Variants in ZNF385D observed in about 807,000 individuals in gnomAD.
ZNF385D encodes the protein zinc finger protein 659.
In ZNF385D, 15 loss-of-function variants were observed where a neutral mutation model predicts 35.8. The ratio of observed to expected loss-of-function variants is 0.42; its 90% CI spans 0.28 to 0.64. ZNF385D has a LOEUF of 0.64. Among genes scored for constraint, ZNF385D ranks in the 30% least tolerant of loss-of-function variants. ZNF385D has a pLI of 0.23. For synonymous variants in ZNF385D, 212 were observed against 186.8 expected (o/e 1.13, Z -1.10); for missense variants, 474 against 494.6 (o/e 0.96, Z 0.39).
intron 3 of ZNF385D, among the ~76,000 whole-genome samples, chr3:22,000,679 C>A (rs1287935753): frequency 6.6e-6 from 1 of 151,826 alleles, no homozygotes; most frequent in Non-Finnish European, 1.5e-5. Flanking sequence ...TATGAAAGAA[C>A]CTCCAACAGA....
chr3:22,066,532 C>CTGTGTG (rs10536628), intron 3 of ZNF385D, among the ~76,000 whole-genome samples: 9 of 91,314 alleles, frequency 9.9e-5, no homozygotes, highest in South Asian at 9.1e-4. Flanking sequence ...AGATGGTTCC[C>CTGTGTG]TGTGTGTGTG....
At chr3:22,227,585 TAACTA>T (rs1249626404) in intron 2 of ZNF385D, among the ~76,000 whole-genome samples, 1 of 152,030 alleles carries the variant, frequency 6.6e-6, no homozygotes, top group Non-Finnish European at 1.5e-5. Context: ...ATGCAGAACT[TAACTA>T]AGAGCTGGAG....
intron 1 of ZNF385D, among the ~76,000 whole-genome samples, chr3:21,707,370 T>C (rs2067944564): frequency 6.6e-6 from 1 of 152,208 alleles, no homozygotes; most frequent in Admixed American, 6.5e-5. Flanking sequence ...TCATTTATAT[T>C]TCATGGTGCA....
chr3:21,926,302 G>A (rs1434667635), intron 3 of ZNF385D, among the ~76,000 whole-genome samples: 1 of 151,712 alleles, frequency 6.6e-6, no homozygotes, highest in Non-Finnish European at 1.5e-5. Context: ...ATCCCTGACA[G>A]GACCCAGTGT....
intron 1 of ZNF385D, among the ~76,000 whole-genome samples, chr3:21,668,346 C>T (rs2066467084): frequency 6.6e-6 from 1 of 152,188 alleles, no homozygotes; most frequent in Non-Finnish European, 1.5e-5. Context: ...TATTTTACCT[C>T]CAAAGTTCCT....
At chr3:21,624,240 C>A (rs2065078642) in intron 2 of ZNF385D, among the ~76,000 whole-genome samples, 1 of 152,130 alleles carries the variant, frequency 6.6e-6, no homozygotes, top group East Asian at 1.9e-4. Flanking sequence ...GTTTGTTCTG[C>A]CCTTGGAGCT....
chr3:21,654,016 C>G (rs949803989), intron 2 of ZNF385D, among the ~76,000 whole-genome samples: 1 of 151,732 alleles, frequency 6.6e-6, no homozygotes, highest in African/African-American at 2.4e-5. Flanking sequence ...GATTATTTTT[C>G]TATGTGATTT....
At chr3:21,657,294 G>C (rs1274684960) in intron 2 of ZNF385D, among the ~76,000 whole-genome samples, 1 of 151,870 alleles carries the variant, frequency 6.6e-6, no homozygotes, top group Non-Finnish European at 1.5e-5. Context: ...AGTAAACAAG[G>C]ATTAAATAAG....
intron 3 of ZNF385D, among the ~76,000 whole-genome samples, chr3:22,103,709 A>T (rs1477322335): frequency 7.4e-6 from 1 of 135,096 alleles, no homozygotes; most frequent in Non-Finnish European, 1.7e-5. Flanking sequence ...AAGTCAGGCA[A>T]AAACAATGGT....
chr3:21,541,823 T>G, intron 3 of ZNF385D, among the ~76,000 whole-genome samples: 1 of 152,192 alleles, frequency 6.6e-6, no homozygotes, highest in East Asian at 1.9e-4. Flanking sequence ...TACTTTTGGT[T>G]TCTATAAGTT....
In ZNF385D at chr3:22,370,222, A is replaced by G. The variant is rs137919824; in HGVS notation, c.106+2228T>C. On this transcript the variant is annotated intron_variant, in intron 2 of 5. Coordinates refer to the ZNF385D transcript ENST00000494108. The stretch of plus-strand genomic sequence containing the variant: ...AATTATAAGCTGGCTGAAATATGGA[A>G]GTGTTCATGTAGACCTCAGGATAAC... Among the ~76,000 whole-genome samples the G allele has an allele frequency of 7.7e-3, 1,177 of 152,312 alleles. 54 individuals are homozygous for G. Among genetic ancestry groups the G allele is most frequent in the Admixed American group, 0.069 (1,049 of 15,304 alleles).
At chr3:22,066,502 A>ATG (rs1699966208) in intron 3 of ZNF385D, among the ~76,000 whole-genome samples, 1 of 64,942 alleles carries the variant, frequency 1.5e-5, no homozygotes, top group African/African-American at 6.3e-5. Flanking sequence ...GTATGTCTGT[A>ATG]AGTAAAAAGA....
Position 21,884,771 on chromosome 3 carries a change from G to T in ZNF385D, c.326-219743C>A, listed in dbSNP as rs568829919. Among the ~76,000 whole-genome samples the T allele has an allele frequency of 5.9e-5, 9 of 152,100 alleles. No homozygotes were observed. In the South Asian group the frequency reaches 1.9e-3, roughly 32 times the overall value. On this transcript the variant is annotated intron_variant, in intron 3 of 5. Transcript: ENST00000494108. ...GCTCCAGATCCAGTGACATTATACA[G>T]GGAGATTGAAATTGACCATATGGCA...
chr3:21,590,015 A>T (rs1274513221), intron 2 of ZNF385D, among the ~76,000 whole-genome samples: 1 of 152,118 alleles, frequency 6.6e-6, no homozygotes, highest in East Asian at 1.9e-4. Context: ...GACTGTAAAG[A>T]CTCATGCAGC....
chr3:21,646,963 C>T lies in ZNF385D; in HGVS notation c.165+17923G>A, dbSNP rs901646431. Among the ~76,000 whole-genome samples the T allele has an allele frequency of 6.6e-6, 1 of 152,158 alleles. No homozygotes were observed. ...TACTCCATCATTTATTCTAAGCTGC[C>T]AGTGATCTTTATAATTGGTAGCTAA... On this transcript the variant is annotated intron_variant, in intron 2 of 7. Transcript: ENST00000281523. This position sits in a 1 kb window ranked among gnomAD's most constrained non-coding sequence, Gnocchi z 4.3.
intron 3 of ZNF385D, among the ~76,000 whole-genome samples, chr3:21,908,835 T>C (rs1348594851): frequency 6.6e-6 from 1 of 152,054 alleles, no homozygotes; most frequent in Non-Finnish European, 1.5e-5. Context: ...ATTATAAGCA[T>C]GTAAATTTAC....
chr3:21,646,688 C>T lies in ZNF385D; in HGVS notation c.165+18198G>A, dbSNP rs908954904. On this transcript the variant is annotated intron_variant, in intron 2 of 7. Transcript: ENST00000281523. This position sits in a 1 kb window ranked among gnomAD's most constrained non-coding sequence, Gnocchi z 4.3. ...ATTAGAAAGAAAGAAACAGGCCTGC[C>T]TTCACTTCTCAACCATCAGAGGCCT... 1.2e-4 allele frequency among the ~76,000 whole-genome samples: 19 copies of T among 152,312 alleles called. No individual in the cohort carries two copies. The highest frequency in any genetic ancestry group is 3.4e-3 in the Middle Eastern group (1 of 294).
At chr3:22,037,733 T>C (rs1396524251) in intron 3 of ZNF385D, among the ~76,000 whole-genome samples, 5 of 152,158 alleles carry the variant, frequency 3.3e-5, no homozygotes, top group African/African-American at 4.8e-5. Context: ...TTTGTCAATT[T>C]TGGCTTTTGT....
intron 4 of ZNF385D, among the ~76,000 whole-genome samples, chr3:21,456,053 T>G (rs141865036): frequency 0.28 from 42,200 of 152,066 alleles, 6,495 homozygotes; most frequent in East Asian, 0.43. Context: ...CTCACACCAG[T>G]TAGAATGGTG....
Sources: allele counts gnomAD v4.1 joint callset (sites outside exome capture counted in the v4.1 genomes callset), GRCh38; gene constraint gnomAD v4.1.1; non-coding constraint Gnocchi (gnomAD v3.1); transcripts MANE v1.5; gene names NCBI Gene and HGNC (gene_info 2026-07-23, HGNC 2026-07-21).